The following ACTR3C variants were observed in gnomAD, a reference collection of about 807,000 sequenced individuals.
ACTR3C encodes actin-related protein 3C.
ACTR3C carries 18 observed loss-of-function variants against 26.3 expected under a neutral mutation model. The observed-to-expected ratio is 0.68, with a 90% CI of 0.47 to 1.01. The LOEUF is 1.01. Among genes scored for constraint, ACTR3C ranks in the 50% least tolerant of loss-of-function variants. The pLI, the probability that ACTR3C is intolerant of heterozygous loss-of-function variation, is 0.00. For synonymous variants in ACTR3C, 55 were observed against 94.5 expected, an observed-to-expected ratio of 0.58 and a Z score of 2.42; for missense variants, 184 against 250.7, an observed-to-expected ratio of 0.73 and a Z score of 1.80.
chr7:150,098,674 G>A, the ACTR3C span, among the ~76,000 whole-genome samples: 3 of 151,790 alleles, frequency 2.0e-5, no homozygotes, highest in Admixed American at 1.3e-4. Context: ...GTTCAAATAC[G>A]TAAATGGTAA....
chr7:150,295,439 C>T lies in ACTR3C; in HGVS notation c.-51-92G>A, dbSNP rs1471198895. 21 of 1,313,990 alleles carry T rather than the reference C, an allele frequency of 1.6e-5. 1 individual carries two copies. The highest frequency in any genetic ancestry group is 1.1e-4 in the South Asian group (9 of 81,490). The allele number at this position is 1,313,990 out of a possible 1,614,324, so 81.4% of individuals were successfully genotyped here. On this transcript the variant is annotated intron_variant, in intron 1 of 7. Transcript: ENST00000683684. ...ACAGGTTAACCTGAAAGTATGTTAG[C>T]GAGGACATTATACAATTCCCTAATT...
At chr7:150,036,835 T>C in the ACTR3C span, among the ~76,000 whole-genome samples, 121 of 130,448 alleles carry the variant, frequency 9.3e-4, 25 homozygotes, top group Non-Finnish European at 1.8e-3. Flanking sequence ...CTAAGGATCT[T>C]AGGAGCAACG....
downstream of ACTR3C, among the ~76,000 whole-genome samples, chr7:150,239,507 GCTCTCTCT>G (rs1187583060): frequency 5.0e-3 from 518 of 102,944 alleles, 17 homozygotes; most frequent in Non-Finnish European, 6.6e-3. Flanking sequence ...AAAGTTGCTC[GCTCTCTCT>G]CTCTCTCTCT....
At chr7:149,884,621 CAAACA>C in the ACTR3C span, among the ~76,000 whole-genome samples, 6 of 151,806 alleles carry the variant, frequency 4.0e-5, no homozygotes, top group Non-Finnish European at 8.8e-5. Flanking sequence ...TCACTTAAGC[CAAACA>C]AAACAACCCA....
chr7:149,976,693 A>C, the ACTR3C span, among the ~76,000 whole-genome samples: 1 of 151,924 alleles, frequency 6.6e-6, no homozygotes, highest in African/African-American at 2.4e-5. Context: ...AGTGTAAAAA[A>C]CACATCACCT....
chr7:150,002,932 C>G, the ACTR3C span: 3 of 152,212 alleles, frequency 2.0e-5, no homozygotes, highest in African/African-American at 7.2e-5. Flanking sequence ...GTGGCGGGAT[C>G]CCCCTACCCA....
the ACTR3C span, among the ~76,000 whole-genome samples, chr7:150,106,805 G>A: frequency 2.8e-5 from 4 of 144,808 alleles, no homozygotes; most frequent in South Asian, 6.4e-4. Context: ...GGCCAGAATT[G>A]GGGCATACAG....
the ACTR3C span, among the ~76,000 whole-genome samples, chr7:150,048,494 G>A: frequency 5.9e-5 from 9 of 152,254 alleles, no homozygotes; most frequent in Admixed American, 3.3e-4. Flanking sequence ...GGGGCGGTGG[G>A]GGAGTCCCGG....
chr7:150,265,789 G>C (rs1406212903), intron 6 of ACTR3C, among the ~76,000 whole-genome samples: 1 of 152,048 alleles, frequency 6.6e-6, no homozygotes, highest in Non-Finnish European at 1.5e-5. Flanking sequence ...TTCTGGTAGA[G>C]TGTTTTTATT....
the ACTR3C span, among the ~76,000 whole-genome samples, chr7:150,039,345 C>T: frequency 2.6e-3 from 349 of 133,398 alleles, 2 homozygotes; most frequent in African/African-American, 4.2e-3. Context: ...CAGTCCCCAC[C>T]CTCGTGGGGT....
the ACTR3C span, among the ~76,000 whole-genome samples, chr7:150,214,907 G>A: frequency 6.6e-6 from 1 of 151,966 alleles, no homozygotes. Flanking sequence ...TGCTGAAAAA[G>A]AAGTAAAAAT....
chr7:149,944,245 T>A, the ACTR3C span, among the ~76,000 whole-genome samples: 1 of 152,036 alleles, frequency 6.6e-6, no homozygotes, highest in African/African-American at 2.4e-5. Context: ...AATCCCTTAT[T>A]CTTATAGATG....
chr7:150,200,931 T>G, the ACTR3C span, among the ~76,000 whole-genome samples: 1 of 152,278 alleles, frequency 6.6e-6, no homozygotes, highest in Admixed American at 6.5e-5. Context: ...CCCAGGTTGC[T>G]GTACTTAACA....
At chr7:149,897,869 C>T in the ACTR3C span, among the ~76,000 whole-genome samples, 2 of 151,736 alleles carry the variant, frequency 1.3e-5, no homozygotes, top group African/African-American at 4.9e-5. Flanking sequence ...CAAAGTGAGA[C>T]TCCATCTCAA....
At chr7:150,297,851 CAAA>C (rs35970305) in intron 1 of ACTR3C, among the ~76,000 whole-genome samples, 1,067 of 86,980 alleles carry the variant, frequency 0.012, 2 homozygotes, top group African/African-American at 0.044. Context: ...GACTCCGTCT[CAAA>C]AAAAAAAAAA....
the ACTR3C span, among the ~76,000 whole-genome samples, chr7:149,905,574 T>G: frequency 1.3e-5 from 2 of 151,068 alleles, no homozygotes; most frequent in Non-Finnish European, 3.0e-5. Context: ...TTTAAAAATG[T>G]CATAGAATAA....
intron 6 of ACTR3C, among the ~76,000 whole-genome samples, chr7:150,282,010 G>T (rs1037114686): frequency 5.5e-5 from 8 of 144,542 alleles, no homozygotes; most frequent in African/African-American, 2.2e-4. Flanking sequence ...GCAGGCTAAC[G>T]CACAGAAACG....
At chr7:150,290,413 C>A (rs966009906) in intron 3 of ACTR3C, among the ~76,000 whole-genome samples, 5 of 152,240 alleles carry the variant, frequency 3.3e-5, no homozygotes, top group African/African-American at 9.6e-5. Context: ...GGACACACAT[C>A]CAGCTTGTTC....
intron 4 of ACTR3C, 129 bp from the exon 5 acceptor site, chr7:150,286,669 G>A: frequency 8.3e-7 from 1 of 1,203,310 alleles, no homozygotes; most frequent in Non-Finnish European, 1.1e-6. Flanking sequence ...CGTTACTCTA[G>A]TGTGGATATG....
Sources: gnomAD v4.1 joint callset for allele counts (sites outside exome capture counted in the v4.1 genomes callset) on GRCh38, gnomAD v4.1.1 for gene constraint, MANE v1.5 for transcripts, NCBI Gene and HGNC (gene_info 2026-07-23, HGNC 2026-07-21) for gene names.